Variants in PTPN3 observed in about 807,000 individuals in gnomAD.
PTPN3 encodes the protein tyrosine-protein phosphatase non-receptor type 3.
Under a neutral mutation model 132.7 loss-of-function variants are expected in PTPN3, and 96 were observed. The observed-to-expected ratio is 0.72, with a 90% confidence interval of 0.61 to 0.86. The LOEUF is 0.86. PTPN3 is among the 40% of genes least tolerant of loss of function. The pLI is 0.00. For missense variants in PTPN3, 1,125 were observed against 1,159.6 expected, an observed-to-expected ratio of 0.97 and a Z score of 0.43; for synonymous variants, 398 against 429.0, an observed-to-expected ratio of 0.93 and a Z score of 0.89.
At position 109,420,584 on chromosome 9, in the gene PTPN3, G is replaced by A. The variant is rs749745979; in HGVS notation, c.1153C>T (p.Arg385Trp). Residue 385 changes from arginine (R) to tryptophan (W), a missense_variant, in exon 14 of 26, where the codon CGG becomes TGG. Physicochemically the swap from Arg to Trp is moderately radical, Grantham distance 101. Coordinates refer to ENST00000374541, the MANE Select transcript of PTPN3 (RefSeq NM_002829.4). Reference sequence around the variant, plus strand: ...TGGCGTGGCTTTCGGATTTCGTGCCGGAGCCGAGGACTTCGCCTGGGTGGG... The same window carrying A: ...TGGCGTGGCTTTCGGATTTCGTGCCAGAGCCGAGGACTTCGCCTGGGTGGG... ...ITPNWRSPRL[R>W]HEIRKPRHSS... 5.6e-6 allele frequency: 9 copies of A among 1,608,906 alleles called. No individual in the cohort carries two copies. The highest frequency in any genetic ancestry group is 1.7e-5 in the Admixed American group (1 of 59,916).
At chr9:109,419,278 T>G (rs1427032742) in intron 14 of PTPN3, among the ~76,000 whole-genome samples, 1 of 152,142 alleles carries the variant, frequency 6.6e-6, no homozygotes, top group African/African-American at 2.4e-5. Context: ...CACATACAAA[T>G]GGGAAGGAGA....
At chr9:109,427,177 G>C (rs757892541) in intron 11 of PTPN3, 55 bp from the exon 12 acceptor site, 49 of 1,573,814 alleles carry the variant, frequency 3.1e-5, no homozygotes, top group Non-Finnish European at 4.2e-5. Flanking sequence ...GCAGGGACTT[G>C]TAAGCATTTA....
chr9:109,385,092 T>C (rs999676448), intron 22 of PTPN3, among the ~76,000 whole-genome samples: 5 of 152,226 alleles, frequency 3.3e-5, no homozygotes, highest in African/African-American at 1.2e-4. Context: ...GATCAACCCA[T>C]GCAAGGCAGA....
In PTPN3 at chr9:109,410,054, A is replaced by G; in HGVS notation, c.1523T>C (p.Leu508Ser). ...CDKNDNGDSY[L>S]VLIRITPDED... ...ATCTGGTGTGATACGGATCAAGACT[A>G]AGTAGCTGTCACCATTATCATTCTG... The change falls in exon 16 of 26, where the codon TTA becomes TCA. Residue 508 changes from leucine (L) to serine (S), a missense_variant. Leu to Ser is a moderately radical substitution (Grantham distance 145). Coordinates refer to ENST00000374541, the MANE Select transcript of PTPN3 (RefSeq NM_002829.4). 1 of 1,614,200 alleles carries G rather than the reference A, an allele frequency of 6.2e-7. No homozygotes were observed. The highest frequency in any genetic ancestry group is 1.1e-5 in the South Asian group (1 of 91,084).
intron 1 of PTPN3, among the ~76,000 whole-genome samples, chr9:109,482,792 T>G (rs1246902416): frequency 1.3e-5 from 2 of 152,046 alleles, no homozygotes; most frequent in East Asian, 3.9e-4. Flanking sequence ...CTGGGCTGCC[T>G]CCTCCACTTC....
intron 19 of PTPN3, among the ~76,000 whole-genome samples, chr9:109,395,507 C>T (rs532356974): frequency 6.6e-6 from 1 of 152,300 alleles, no homozygotes; most frequent in Non-Finnish European, 1.5e-5. Flanking sequence ...TGGTTTTCGG[C>T]TGGGCACAGT....
chr9:109,514,520 T>C, the PTPN3 span, among the ~76,000 whole-genome samples: 3 of 152,216 alleles, frequency 2.0e-5, no homozygotes, highest in Non-Finnish European at 4.4e-5. Flanking sequence ...TTCTAGGTTC[T>C]GGGAATACAG....
intron 1 of PTPN3, among the ~76,000 whole-genome samples, chr9:109,477,870 GCTT>G (rs1257576452): frequency 2.0e-5 from 3 of 152,252 alleles, no homozygotes; most frequent in Non-Finnish European, 4.4e-5. Context: ...GGGAAGCTGA[GCTT>G]CTCAGCAAAC....
At chr9:109,428,806 A>T in intron 10 of PTPN3, 122 bp from the exon 11 acceptor site, 2 of 1,450,384 alleles carry the variant, frequency 1.4e-6, no homozygotes, top group Non-Finnish European at 1.8e-6. Flanking sequence ...TTGGCTGCCT[A>T]GAGTTTACTT....
At chr9:109,408,794 AAAATATAT>A (rs1309728070) in intron 16 of PTPN3, among the ~76,000 whole-genome samples, 4 of 87,374 alleles carry the variant, frequency 4.6e-5, no homozygotes, top group African/African-American at 1.6e-4. Context: ...AAAAAAAAAA[AAAATATAT>A]ATATATATAT....
Position 109,463,289 on chromosome 9 carries a change from GA to G in PTPN3, c.138+7del. The G allele has an allele frequency of 6.4e-7, 1 of 1,553,128 alleles. No homozygotes were observed. Among genetic ancestry groups the G allele is most frequent in the Non-Finnish European group, 8.7e-7 (1 of 1,153,662 alleles). On this transcript the variant is annotated splice_region_variant and intron_variant, in intron 2 of 25. Transcript: ENST00000374541. ...AGGAAAAGTAAAAAAAAAAAGTAGA[GA>G]ACTTACAGTAACTTTAAAGGTCTGT... is the stretch of plus-strand genomic sequence containing the variant.
At chr9:109,381,196 C>T (rs1196164419) in intron 25 of PTPN3, among the ~76,000 whole-genome samples, 1 of 152,164 alleles carries the variant, frequency 6.6e-6, no homozygotes, top group East Asian at 1.9e-4. Flanking sequence ...AAGAGTTATC[C>T]CCTAGAGTTC....
chr9:109,386,035 T>C (rs570138502), intron 22 of PTPN3, among the ~76,000 whole-genome samples: 2 of 152,322 alleles, frequency 1.3e-5, no homozygotes, highest in South Asian at 2.1e-4. Flanking sequence ...AAATGCATGA[T>C]ATGGGTGAAC....
chr9:109,427,507 C>T (rs569055959), intron 11 of PTPN3, among the ~76,000 whole-genome samples: 1 of 152,336 alleles, frequency 6.6e-6, no homozygotes, highest in African/African-American at 2.4e-5. Context: ...ATCTATCAGA[C>T]AACAGCAAGT....
chr9:109,467,067 G>A (rs541911999), intron 1 of PTPN3, among the ~76,000 whole-genome samples: 29 of 151,976 alleles, frequency 1.9e-4, no homozygotes, highest in South Asian at 1.0e-3. Context: ...TTATTCAGTC[G>A]CTTATAAAAT....
In PTPN3 at chr9:109,389,286, C is replaced by T. The variant is rs1467760394; in HGVS notation, c.2200G>A (p.Asp734Asn). The stretch of plus-strand genomic sequence containing the variant: ...ATGACAATGAGTGACAACTTCTGAT[C>T]CCAGACAACCTGCCAAAACTGTGCA... ...TCAQFWQVVW[D>N]QKLSLIVMLT... The change falls in exon 22 of 26, where the codon GAT (aspartate) becomes AAT (asparagine). Residue 734 changes from aspartate to asparagine, a missense_variant. Coordinates refer to ENST00000374541, the MANE Select transcript of PTPN3 (RefSeq NM_002829.4). 1 of 1,614,206 alleles carries T rather than the reference C, an allele frequency of 6.2e-7. No homozygotes were observed. Among genetic ancestry groups the T allele is most frequent in the Non-Finnish European group, 8.5e-7 (1 of 1,180,036 alleles).
At chr9:109,450,331 T>G (rs1407130708) in intron 5 of PTPN3, 1 of 985,348 alleles carries the variant, frequency 1.0e-6, no homozygotes, top group Non-Finnish European at 1.2e-6. Flanking sequence ...CAAGCTGACA[T>G]TCAACCAGAA....
chr9:109,438,615 C>G (rs895831654), intron 7 of PTPN3, among the ~76,000 whole-genome samples: 2 of 152,206 alleles, frequency 1.3e-5, no homozygotes, highest in Non-Finnish European at 2.9e-5. Flanking sequence ...ATGCCACAAT[C>G]CATATGCCAC....
intron 1 of PTPN3, among the ~76,000 whole-genome samples, chr9:109,473,163 A>G (rs1444605668): frequency 1.3e-5 from 2 of 152,238 alleles, no homozygotes; most frequent in African/African-American, 2.4e-5. Flanking sequence ...AATACAGCAC[A>G]ATACTCCGTC....
Sources: allele counts gnomAD v4.1 joint callset (sites outside exome capture counted in the v4.1 genomes callset), GRCh38; gene constraint gnomAD v4.1.1; transcripts MANE v1.5; gene names NCBI Gene and HGNC (gene_info 2026-07-23, HGNC 2026-07-21).